Variants in CTNND2 observed in about 807,000 individuals in gnomAD.
The protein encoded by CTNND2 is catenin delta-2.
Under a neutral mutation model 144.4 loss-of-function variants are expected in CTNND2, and 22 were observed. That is an observed-to-expected ratio of 0.15 (90% confidence interval 0.11 to 0.22). The LOEUF (loss-of-function observed/expected upper bound fraction) is 0.22, where lower values mean the gene tolerates loss of function less well. CTNND2 is among the 10% of genes least tolerant of loss of function. The probability of loss-of-function intolerance (pLI) is 1.00; values close to 1 mark genes in which losing one functional copy is unlikely to be tolerated. For synonymous variants in CTNND2, 751 were observed against 695.6 expected, an observed-to-expected ratio of 1.08 and a Z score of -1.25; for missense variants, 1,353 against 1,618.8, an observed-to-expected ratio of 0.84 and a Z score of 2.82.
chr5:11,107,171 G>A (rs1752502898), intron 14 of CTNND2, among the ~76,000 whole-genome samples: 1 of 152,156 alleles, frequency 6.6e-6, no homozygotes, highest in Non-Finnish European at 1.5e-5. Flanking sequence ...TCTCTAGAAG[G>A]AGGCACGCTG....
At chr5:11,778,510 C>T (rs1348384593) in intron 1 of CTNND2, among the ~76,000 whole-genome samples, 1 of 152,188 alleles carries the variant, frequency 6.6e-6, no homozygotes, top group Non-Finnish European at 1.5e-5. Context: ...ACTCTGTGGT[C>T]TCTTCCCCTA....
chr5:11,795,097 C>A (rs770218147), intron 1 of CTNND2, among the ~76,000 whole-genome samples: 8 of 152,112 alleles, frequency 5.3e-5, no homozygotes, highest in African/African-American at 1.9e-4. Context: ...TTATTTAACT[C>A]ATTTAATTTA....
At chr5:11,604,145 T>C (rs1203488407) in intron 2 of CTNND2, among the ~76,000 whole-genome samples, 1 of 152,220 alleles carries the variant, frequency 6.6e-6, no homozygotes, top group Non-Finnish European at 1.5e-5. Flanking sequence ...ATTCACAGGC[T>C]TCTTCTCCTT....
Position 11,218,456 on chromosome 5 carries a change from G to C in CTNND2, c.1761+18235C>G, listed in dbSNP as rs61750740. The stretch of plus-strand genomic sequence containing the variant: ...GTCTGGATCCCTACATAAAAGTTTT[G>C]GGCCATGGGTAAGGGAATGAGCATA... On this transcript the variant is annotated intron_variant, in intron 10 of 21. Transcript: ENST00000304623. Among the ~76,000 whole-genome samples the C allele has an allele frequency of 7.9e-5, 12 of 152,136 alleles. No homozygotes were observed. The East Asian group carries it at 2.3e-3, about 29-fold the overall frequency.
chr5:11,666,566 C>T (rs142812291), intron 2 of CTNND2, among the ~76,000 whole-genome samples: 90 of 152,174 alleles, frequency 5.9e-4, no homozygotes, highest in African/African-American at 2.1e-3. Context: ...TGCTGTAATG[C>T]GATCATAAAA....
rs181733674 is a variant in CTNND2, at chr5:11,279,214, G to T, written c.1629-42391C>A. 3.6e-3 allele frequency among the ~76,000 whole-genome samples: 551 copies of T among 152,246 alleles called. 3 individuals carry two copies. Among genetic ancestry groups the T allele is most frequent in the African/African-American group, 0.013 (520 of 41,540 alleles). On this transcript the variant is annotated intron_variant, in intron 9 of 21. Coordinates refer to ENST00000304623, the MANE Select transcript of CTNND2 (RefSeq NM_001332.4). ...CAGAACCGTCCCTGTCTTCCAGACT[G>T]TGATGTCCATTCAAATACTTAAGAG... is the stretch of plus-strand genomic sequence containing the variant.
intron 9 of CTNND2, among the ~76,000 whole-genome samples, chr5:11,280,299 A>G (rs1158795844): frequency 6.6e-6 from 1 of 152,176 alleles, no homozygotes; most frequent in African/African-American, 2.4e-5. Flanking sequence ...ATAATAAAGG[A>G]ATAATAATAA....
chr5:11,532,135 C>A (rs752569943), intron 3 of CTNND2, among the ~76,000 whole-genome samples: 2 of 152,106 alleles, frequency 1.3e-5, no homozygotes, highest in Non-Finnish European at 2.9e-5. Flanking sequence ...GCACCACCTC[C>A]AAACAATCCT....
intron 1 of CTNND2, among the ~76,000 whole-genome samples, chr5:11,838,901 A>G (rs1386161165): frequency 6.6e-6 from 1 of 152,230 alleles, no homozygotes; most frequent in Non-Finnish European, 1.5e-5. Flanking sequence ...AACAGCAAAG[A>G]CATCAAGAAA....
intron 3 of CTNND2, among the ~76,000 whole-genome samples, chr5:11,508,096 A>C (rs182629492): frequency 7.8e-4 from 119 of 151,976 alleles, no homozygotes; most frequent in Non-Finnish European, 1.6e-3. Context: ...TACGGTTGTT[A>C]GGATTTGGAA....
Position 11,473,395 on chromosome 5 carries a change from T to TA in CTNND2, c.288-61327dup, listed in dbSNP as rs1767416983. Reference sequence around the variant, plus strand: ...AGTATTAGGCTTTCCCTAGGCCAAATAATAAAGACATAAGCAACACATGGC... The same window carrying TA: ...AGTATTAGGCTTTCCCTAGGCCAAATAAATAAAGACATAAGCAACACATGGC... On this transcript the variant is annotated intron_variant, in intron 3 of 21. Coordinates refer to ENST00000304623, the MANE Select transcript of CTNND2 (RefSeq NM_001332.4). 3.3e-5 allele frequency among the ~76,000 whole-genome samples: 5 copies of TA among 152,216 alleles called. No homozygotes were observed. In the South Asian group the frequency reaches 1.0e-3, roughly 32 times the overall value.
intron 2 of CTNND2, among the ~76,000 whole-genome samples, chr5:11,635,691 C>A (rs1204505422): frequency 6.6e-6 from 1 of 152,100 alleles, no homozygotes; most frequent in Non-Finnish European, 1.5e-5. Flanking sequence ...TAAATCAGTC[C>A]TGAACATTCT....
intron 1 of CTNND2, among the ~76,000 whole-genome samples, chr5:11,757,761 C>A (rs1789031005): frequency 6.6e-6 from 1 of 151,934 alleles, no homozygotes; most frequent in African/African-American, 2.4e-5. Context: ...CATGAGTCAT[C>A]TTTCTATGAC....
At chr5:10,994,349 AGGAGGGG>A (rs1739074080) in intron 18 of CTNND2, among the ~76,000 whole-genome samples, 1 of 21,702 alleles carries the variant, frequency 4.6e-5, no homozygotes. Context: ...CCGGGGAAGG[AGGAGGGG>A]GGCGGGGAAG....
At chr5:11,226,147 C>T (rs1399614512) in intron 10 of CTNND2, among the ~76,000 whole-genome samples, 1 of 152,144 alleles carries the variant, frequency 6.6e-6, no homozygotes, top group Non-Finnish European at 1.5e-5. Flanking sequence ...TCCATTGTTC[C>T]ACATCTCTCA....
chr5:11,216,164 C>A (rs1739152649), intron 10 of CTNND2, among the ~76,000 whole-genome samples: 1 of 152,182 alleles, frequency 6.6e-6, no homozygotes, highest in Admixed American at 6.5e-5. Flanking sequence ...CAGGGTTCCT[C>A]TAAGAGCTGA....
chr5:11,464,894 G>GATC (rs1184021586), intron 3 of CTNND2, among the ~76,000 whole-genome samples: 1 of 152,128 alleles, frequency 6.6e-6, no homozygotes, highest in Non-Finnish European at 1.5e-5. Context: ...CAATCATTGT[G>GATC]ATCATATTTA....
intron 3 of CTNND2, among the ~76,000 whole-genome samples, chr5:11,417,284 G>T (rs972168630): frequency 6.6e-6 from 1 of 152,156 alleles, no homozygotes; most frequent in African/African-American, 2.4e-5. Context: ...CTACAGAAAT[G>T]TGTGAACCAC....
intron 1 of CTNND2, among the ~76,000 whole-genome samples, chr5:11,760,158 T>C (rs145329422): frequency 1.5e-4 from 23 of 152,154 alleles, no homozygotes; most frequent in African/African-American, 4.8e-4. Flanking sequence ...ATTTTGGTTA[T>C]GAAGAAGGAA....
Sources: allele counts gnomAD v4.1 joint callset (sites outside exome capture counted in the v4.1 genomes callset), GRCh38; gene constraint gnomAD v4.1.1; transcripts MANE v1.5; gene names NCBI Gene and HGNC (gene_info 2026-07-23, HGNC 2026-07-21).